CCDC91: variants seen among roughly 807,000 people sequenced by gnomAD.
The protein encoded by CCDC91 is coiled-coil domain-containing protein 91.
A neutral mutation model predicts 63.2 loss-of-function variants in CCDC91; 48 were observed. That is an observed-to-expected ratio of 0.76 (90% CI 0.60 to 0.97). The LOEUF (loss-of-function observed/expected upper bound fraction) is 0.97. CCDC91 is among the 50% of genes least tolerant of loss of function. CCDC91 has a pLI of 0.00. For synonymous variants in CCDC91, 167 were observed against 165.8 expected (o/e 1.01, Z -0.06); for missense variants, 500 against 494.6 (o/e 1.01, Z -0.10).
intron 11 of CCDC91, among the ~76,000 whole-genome samples, chr12:28,469,063 C>T (rs1337273442): frequency 6.6e-6 from 1 of 151,952 alleles, no homozygotes; most frequent in Non-Finnish European, 1.5e-5. Context: ...TCTTATTCAT[C>T]GTAGTACTGG....
At chr12:28,192,279 CTT>C (rs1357727976) in intron 1 of CCDC91, among the ~76,000 whole-genome samples, 4 of 152,118 alleles carry the variant, frequency 2.6e-5, no homozygotes, top group Non-Finnish European at 5.9e-5. Context: ...ATGTTGTACT[CTT>C]ATCTATATGT....
chr12:28,255,904 C>T (rs1946413091), intron 1 of CCDC91: 2 of 152,000 alleles, frequency 1.3e-5, no homozygotes, highest in Admixed American at 1.3e-4. Flanking sequence ...AGGTAAAGCA[C>T]AGATATAGAT....
At chr12:28,326,251 C>G (rs1940983643) in intron 6 of CCDC91, among the ~76,000 whole-genome samples, 1 of 152,090 alleles carries the variant, frequency 6.6e-6, no homozygotes, top group East Asian at 1.9e-4. Context: ...TGCTGTGGCT[C>G]AAACTACGGT....
intron 8 of CCDC91, 76 bp downstream of exon 8, chr12:28,391,487 A>G: frequency 1.2e-6 from 1 of 856,594 alleles, no homozygotes; most frequent in Non-Finnish European, 1.9e-6. Flanking sequence ...ATAACTGTTT[A>G]TTCAGTTCTG....
At chr12:28,401,442 G>A (rs897840390) in intron 8 of CCDC91, among the ~76,000 whole-genome samples, 2 of 152,086 alleles carry the variant, frequency 1.3e-5, no homozygotes, top group Non-Finnish European at 2.9e-5. Context: ...CGACATGTGG[G>A]GATTATGGGA....
intron 12 of CCDC91, among the ~76,000 whole-genome samples, chr12:28,521,236 C>T (rs1271453431): frequency 1.3e-5 from 2 of 152,114 alleles, no homozygotes; most frequent in Non-Finnish European, 1.5e-5. Flanking sequence ...TTTGTGTCCT[C>T]TTTCATTTCA....
intron 11 of CCDC91, among the ~76,000 whole-genome samples, chr12:28,476,303 C>G (rs1951087553): frequency 6.6e-6 from 1 of 152,052 alleles, no homozygotes. Flanking sequence ...CAAACTAGAA[C>G]TCAGGATTAA....
chr12:28,489,894 A>G (rs1323294193), intron 12 of CCDC91, among the ~76,000 whole-genome samples: 2 of 151,900 alleles, frequency 1.3e-5, no homozygotes, highest in East Asian at 1.9e-4. Context: ...CATTATTTCA[A>G]TATAAGTTAT....
intron 11 of CCDC91, among the ~76,000 whole-genome samples, chr12:28,481,752 T>C (rs1222457910): frequency 1.3e-5 from 2 of 151,924 alleles, no homozygotes; most frequent in Non-Finnish European, 2.9e-5. Context: ...GTCAGTTAAC[T>C]CCCAACTGGG....
At chr12:28,515,197 G>A (rs1482041927) in intron 12 of CCDC91, among the ~76,000 whole-genome samples, 1 of 151,678 alleles carries the variant, frequency 6.6e-6, no homozygotes, top group African/African-American at 2.4e-5. Context: ...TAAGATTGCT[G>A]TTTTCTTATT....
chr12:28,321,024 T>C (rs940038041), intron 6 of CCDC91, among the ~76,000 whole-genome samples: 2 of 151,880 alleles, frequency 1.3e-5, no homozygotes, highest in Non-Finnish European at 2.9e-5. Context: ...TTGAAAGGAA[T>C]AGGTAAGAAA....
chr12:28,434,181 T>G (rs148701384), intron 8 of CCDC91, among the ~76,000 whole-genome samples: 2,471 of 151,908 alleles, frequency 0.016, 27 homozygotes, highest in South Asian at 0.029. Flanking sequence ...GGAACATCCT[T>G]TCCTTGTTAT....
chr12:28,198,516 C>A (rs146171133), intron 1 of CCDC91, among the ~76,000 whole-genome samples: 2,535 of 152,224 alleles, frequency 0.017, 27 homozygotes, highest in South Asian at 0.031. Flanking sequence ...ACAAAATAAG[C>A]CTGTGAAAGC....
At chr12:28,502,169 A>G (rs1440754403) in intron 12 of CCDC91, among the ~76,000 whole-genome samples, 1 of 151,888 alleles carries the variant, frequency 6.6e-6, no homozygotes, top group South Asian at 2.1e-4. Context: ...TCATGATTGT[A>G]TATCTAGAAA....
intron 12 of CCDC91, among the ~76,000 whole-genome samples, chr12:28,546,275 G>C (rs945260522): frequency 2.0e-5 from 3 of 152,040 alleles, no homozygotes; most frequent in African/African-American, 7.2e-5. Flanking sequence ...TGATAAAAGA[G>C]TTATGAGACT....
In CCDC91 at chr12:28,440,463, A is replaced by G. The variant is rs151046360; in HGVS notation, c.763-9698A>G. On this transcript the variant is annotated intron_variant, in intron 8 of 12. Coordinates refer to ENST00000536442, the MANE Select transcript of CCDC91 (RefSeq NM_018318.5). Reference sequence around the variant, plus strand: ...TTAATTTTAGATTGATCATTGACCTATATGTAAAAGCTCTTAGAAGAAAAT... The same window carrying G: ...TTAATTTTAGATTGATCATTGACCTGTATGTAAAAGCTCTTAGAAGAAAAT... Among the ~76,000 whole-genome samples, 341 of 152,320 alleles carry G rather than the reference A, an allele frequency of 2.2e-3. 2 individuals are homozygous for G. The highest frequency in any genetic ancestry group is 8.0e-3 in the African/African-American group (332 of 41,576).
chr12:28,399,012 T>C (rs1476371062), intron 8 of CCDC91, among the ~76,000 whole-genome samples: 1 of 152,172 alleles, frequency 6.6e-6, no homozygotes, highest in African/African-American at 2.4e-5. Flanking sequence ...TTTATCATTG[T>C]TATTAGTCAG....
At chr12:28,269,935 A>G (rs1254130057) in intron 3 of CCDC91, among the ~76,000 whole-genome samples, 1 of 151,996 alleles carries the variant, frequency 6.6e-6, no homozygotes, top group African/African-American at 2.4e-5. Context: ...TGATTTTTGT[A>G]TTAATTTACA....
At position 28,306,773 on chromosome 12, in the gene CCDC91, T is replaced by C. The variant is rs370235034; in HGVS notation, c.299T>C (p.Ile100Thr). The C allele has an allele frequency of 6.2e-7, 1 of 1,611,336 alleles. No individual in the cohort carries two copies. Among genetic ancestry groups the C allele is most frequent in the Non-Finnish European group, 8.5e-7 (1 of 1,178,222 alleles). The change falls in exon 5 of 13, where the codon ATC (isoleucine) becomes ACC (threonine). Residue 100 changes from isoleucine (I) to threonine (T), a missense_variant. Transcript: ENST00000536442. ...IQQSTHTHLD[I>T]SLFPLGLTDE... ...CAATCAACACACACTCATCTGGATA[T>C]CTCACTTTTTCCATTGGGTTTAACT... is the stretch of plus-strand genomic sequence containing the variant.
Sources: allele counts gnomAD v4.1 joint callset (sites outside exome capture counted in the v4.1 genomes callset), GRCh38; gene constraint gnomAD v4.1.1; transcripts MANE v1.5; gene names NCBI Gene and HGNC (gene_info 2026-07-23, HGNC 2026-07-21).